AMN: variants seen among roughly 807,000 people sequenced by gnomAD.
AMN encodes the protein amnion associated transmembrane protein.
In AMN, 40 loss-of-function variants were observed where a neutral mutation model predicts 49.1. That is an observed-to-expected ratio of 0.81 (90% CI 0.63 to 1.06). The LOEUF (loss-of-function observed/expected upper bound fraction) is 1.06, where lower values mean the gene tolerates loss of function less well. AMN is among the 50% of genes least tolerant of loss of function. AMN has a pLI of 0.00. For synonymous variants in AMN, 380 were observed against 313.3 expected (o/e 1.21, Z -2.25); for missense variants, 701 against 662.8 (o/e 1.06, Z -0.63).
chr14:102,929,309 T>C (rs1296582299), intron 6 of AMN, 51 bp downstream of exon 6: 2 of 1,450,216 alleles, frequency 1.4e-6, no homozygotes, highest in Non-Finnish European at 1.8e-6. Flanking sequence ...GTCGGGACTG[T>C]GCCCGGGACA....
In AMN at chr14:102,930,051, T is replaced by C. The variant is rs1185656844; in HGVS notation, c.971T>C (p.Leu324Pro). The C allele has an allele frequency of 1.3e-6, 2 of 1,546,676 alleles. No individual in the cohort carries two copies. Among genetic ancestry groups the C allele is most frequent in the Admixed American group, 3.9e-5 (2 of 50,938 alleles). ...CCCGAGACAGGCGGAGCGGGGCGGC[T>C]GGCCCGGGCCCTCCTGGCGGACGTC... is the stretch of plus-strand genomic sequence containing the variant. ...NGPETGGAGRLARALLADVAE... is the reference protein window; with the variant it reads ...NGPETGGAGRPARALLADVAE... The change falls in exon 9 of 12, where the codon CTG becomes CCG. Residue 324 changes from leucine (L) to proline (P), a missense_variant. Physicochemically the swap from Leu to Pro is moderately conservative, Grantham distance 98 (BLOSUM62 -3). Transcript: ENST00000299155.
rs368988450 is a variant in AMN, at chr14:102,923,990, G to A, written c.207+11G>A. ...GCCGTCTCAGACATGGTAAGGCCGG[G>A]CTGCTACTGCCACTGGGCTGGGGGT... On this transcript the variant is annotated intron_variant, in intron 3 of 11. Transcript: ENST00000299155. The A allele has an allele frequency of 2.0e-5, 32 of 1,613,148 alleles. No homozygotes were observed. The highest frequency in any genetic ancestry group is 2.6e-5 in the Non-Finnish European group (31 of 1,180,038).
rs533574345 is a variant in AMN, at chr14:102,924,787, G to A, written c.207+808G>A. Among the ~76,000 whole-genome samples the A allele has an allele frequency of 9.3e-4, 142 of 152,334 alleles. 1 individual carries two copies. The highest frequency in any genetic ancestry group is 3.3e-3 in the African/African-American group (138 of 41,564). On this transcript the variant is annotated intron_variant, in intron 3 of 11. Transcript: ENST00000299155. Reference sequence around the variant, plus strand: ...AGCTTCATCACGTATTAAAGGCTCTGATAAGGCCCCAGAGAAAGAAGCTAA... The same window carrying A: ...AGCTTCATCACGTATTAAAGGCTCTAATAAGGCCCCAGAGAAAGAAGCTAA...
intron 1 of AMN, 43 bp downstream of exon 1, chr14:102,922,774 C>A: frequency 1.3e-6 from 2 of 1,556,522 alleles, no homozygotes; most frequent in South Asian, 1.2e-5. Context: ...CGGTAGCGGT[C>A]TGTCAGGACC....
chr14:102,923,969 T>G lies in AMN; in HGVS notation c.197T>G (p.Val66Gly). ...GTCCTGGTGCAAGAAGGTCACGCCG[T>G]CTCAGACATGGTAAGGCCGGGCTGC... is the stretch of plus-strand genomic sequence containing the variant. ...VSVLVQEGHA[V>G]SDMLLPLDGE... Residue 66 changes from valine (V) to glycine (G), a missense_variant, in exon 3 of 12, where the codon GTC becomes GGC. Coordinates refer to ENST00000299155, the MANE Select transcript of AMN (RefSeq NM_030943.4). 1 of 1,613,192 alleles carries G rather than the reference T, an allele frequency of 6.2e-7. No individual in the cohort carries two copies. The highest frequency in any genetic ancestry group is 8.5e-7 in the Non-Finnish European group (1 of 1,179,998).
chr14:102,930,034 A>G lies in AMN; in HGVS notation c.954A>G (p.Thr318=), dbSNP rs922089248. The G allele has an allele frequency of 3.2e-6, 5 of 1,551,702 alleles. No individual in the cohort carries two copies. The highest frequency in any genetic ancestry group is 2.4e-5 in the East Asian group (1 of 41,050). ...TGCTGGTGGAGAATGGGCCCGAGACAGGCGGAGCGGGGCGGCTGGCCCGGG... is the reference window on the plus strand; with the variant it reads ...TGCTGGTGGAGAATGGGCCCGAGACGGGCGGAGCGGGGCGGCTGGCCCGGG... ...QVVLVENGPE[T]GGAGRLARAL... is the part of the protein sequence containing the mutation. Residue 318 remains threonine, a synonymous_variant, in exon 9 of 12, where the codon ACA becomes ACG. Transcript: ENST00000299155.
chr14:102,925,955 A>G lies in AMN; in HGVS notation c.207+1976A>G, dbSNP rs183734098. On this transcript the variant is annotated intron_variant, in intron 3 of 11. Coordinates refer to ENST00000299155, the MANE Select transcript of AMN (RefSeq NM_030943.4). ...GTGCACATCAGTGCCTTACTTTGTA[A>G]TTCTGTGGTTGGGAGCGTCCCTCCC... 3.9e-4 allele frequency among the ~76,000 whole-genome samples: 60 copies of G among 152,236 alleles called. 1 individual carries two copies. The highest frequency in any genetic ancestry group is 1.4e-3 in the African/African-American group (59 of 41,554).
At chr14:102,923,894 G>A in intron 2 of AMN, 41 bp from the exon 3 acceptor site, 5 of 1,613,052 alleles carry the variant, frequency 3.1e-6, no homozygotes, top group Non-Finnish European at 4.2e-6. Context: ...GGCCCCGGTG[G>A]GGGTTGCTCC....
intron 4 of AMN, 30 bp downstream of exon 4, chr14:102,928,543 G>A (rs755387052): frequency 1.3e-5 from 20 of 1,588,050 alleles, no homozygotes; most frequent in Admixed American, 6.9e-5. Flanking sequence ...GCGGGGCTCT[G>A]GAAAGGCATG....
rs1045528022 is a variant in AMN at position 102,930,696 on chromosome 14, T to C, written c.*16T>C. 2 of 1,565,144 alleles carry C rather than the reference T, an allele frequency of 1.3e-6. No homozygotes were observed. The highest frequency in any genetic ancestry group is 1.7e-6 in the Non-Finnish European group (2 of 1,156,624). ...CGAGGCCTGAGCGGCCGCCTGACCG[T>C]CGACCTTGGGGCTCTCCACCCGCTC... On this transcript the variant is annotated 3_prime_UTR_variant, in exon 12 of 12. Coordinates refer to ENST00000299155, the MANE Select transcript of AMN (RefSeq NM_030943.4).
In AMN at chr14:102,928,409, G is replaced by C. The variant is rs1471369225; in HGVS notation, c.208-17G>C. 5.7e-6 allele frequency: 9 copies of C among 1,581,126 alleles called. No homozygotes were observed. Among genetic ancestry groups the C allele is most frequent in the Non-Finnish European group, 7.7e-6 (9 of 1,166,388 alleles). On this transcript the variant is annotated splice_polypyrimidine_tract_variant and intron_variant, in intron 3 of 11. Transcript: ENST00000299155. ...CGGACCCCCGCGTGGCGCCGCCTCA[G>C]CCCGTGTCTCTTGCAGCTCCTGCCG...
At chr14:102,925,687 T>C (rs1891169757) in intron 3 of AMN, among the ~76,000 whole-genome samples, 1 of 152,208 alleles carries the variant, frequency 6.6e-6, no homozygotes, top group South Asian at 2.1e-4. Context: ...GCACTTGGGC[T>C]CTGAAAGGAG....
rs1306314262 is a variant in AMN, at chr14:102,929,979, T to C, written c.899T>C (p.Leu300Pro). ...AVSKVPRSSR[L>P]READTEIQVV... Reference sequence around the variant, plus strand: ...TCCAAGGTGCCACGCTCGTCCCGGCTCCGTGAGGCCGATACGGAGATCCAG... The same window carrying C: ...TCCAAGGTGCCACGCTCGTCCCGGCCCCGTGAGGCCGATACGGAGATCCAG... The change falls in exon 9 of 12, where the codon CTC (leucine) becomes CCC (proline). Residue 300 changes from leucine to proline, a missense_variant. Leu to Pro is a moderately conservative substitution (Grantham distance 98). Transcript: ENST00000299155. The C allele has an allele frequency of 6.4e-7, 1 of 1,564,714 alleles. No homozygotes were observed. The highest frequency in any genetic ancestry group is 1.9e-5 in the Admixed American group (1 of 53,288).
chr14:102,929,266 A>G lies in AMN; in HGVS notation c.651+8A>G, dbSNP rs1891271364. 6.8e-7 allele frequency: 1 copy of G among 1,464,198 alleles called. No homozygotes were observed. The highest frequency in any genetic ancestry group is 8.9e-7 in the Non-Finnish European group (1 of 1,119,508). The allele number at this position is 1,464,198 out of a possible 1,614,324, so 90.7% of individuals were successfully genotyped here. A position where few individuals can be genotyped will look rare whatever the true frequency, so the allele number is the denominator to read the frequency against. On this transcript the variant is annotated splice_region_variant and intron_variant, in intron 6 of 11. Coordinates refer to ENST00000299155, the MANE Select transcript of AMN (RefSeq NM_030943.4). ...GTCTGCGGCAACGCGGAGGTGAGCG[A>G]GGCCGCAGTGGAGTCGCGGGGGCCG... is the stretch of plus-strand genomic sequence containing the variant.
chr14:102,928,673 G>A, intron 4 of AMN, 85 bp from the exon 5 acceptor site: 2 of 1,527,378 alleles, frequency 1.3e-6, no homozygotes, highest in Non-Finnish European at 1.8e-6. Context: ...TTGGGAGGTC[G>A]TGCTCAGACG....
At chr14:102,924,397 G>A (rs1018582825) in intron 3 of AMN, among the ~76,000 whole-genome samples, 12 of 152,142 alleles carry the variant, frequency 7.9e-5, no homozygotes, top group African/African-American at 2.7e-4. Flanking sequence ...GGAAGTGGCC[G>A]CCCAGGAAGA....
intron 1 of AMN, chr14:102,922,985 C>G (rs1472225404): frequency 1.9e-6 from 1 of 521,324 alleles, no homozygotes; most frequent in Non-Finnish European, 3.3e-6. Flanking sequence ...GCCCCGGCCT[C>G]CGGCGGCTCC....
At chr14:102,925,615 C>T (rs1891168098) in intron 3 of AMN, among the ~76,000 whole-genome samples, 2 of 152,150 alleles carry the variant, frequency 1.3e-5, no homozygotes, top group South Asian at 2.1e-4. Context: ...GGTTCCAGGG[C>T]ATGGATTTCC....
rs865932586 is a variant in AMN at position 102,930,603 on chromosome 14, C to A, written c.1285C>A (p.Pro429Thr). 6.3e-7 allele frequency: 1 copy of A among 1,588,718 alleles called. No individual in the cohort carries two copies. Among genetic ancestry groups the A allele is most frequent in the South Asian group, 1.1e-5 (1 of 87,622 alleles). Residue 429 changes from proline to threonine, a missense_variant, in exon 12 of 12, where the codon CCG becomes ACG. By Grantham distance (38) the Pro-to-Thr change is conservative (BLOSUM62 -1). Coordinates refer to ENST00000299155, the MANE Select transcript of AMN (RefSeq NM_030943.4). ...LPLPRRLSLV[P>T]KAAADSTSHS... ...CCTGCCGCGGCGGCTCAGCCTGGTT[C>A]CGAAGGCGGCCGCAGACAGCACCAG... is the stretch of plus-strand genomic sequence containing the variant.
Sources: allele counts gnomAD v4.1 joint callset (sites outside exome capture counted in the v4.1 genomes callset), GRCh38; gene constraint gnomAD v4.1.1; transcripts MANE v1.5; gene names NCBI Gene and HGNC (gene_info 2026-07-23, HGNC 2026-07-21).